The following ROBO2 variants were observed in gnomAD, a reference collection of about 807,000 sequenced individuals.
ROBO2 encodes the protein roundabout homolog 2.
ROBO2 carries 53 observed loss-of-function variants against 160.8 expected under a neutral mutation model. The ratio of observed to expected loss-of-function variants is 0.33; its 90% CI spans 0.26 to 0.41. ROBO2 has a LOEUF of 0.41. ROBO2 is among the 10% of genes least tolerant of loss of function. The pLI, the probability that ROBO2 is intolerant of heterozygous loss-of-function variation, is 1.00. For missense variants in ROBO2, 1,577 were observed against 1,722.4 expected, an observed-to-expected ratio of 0.92 and a Z score of 1.49; for synonymous variants, 664 against 611.7, an observed-to-expected ratio of 1.09 and a Z score of -1.26.
chr3:77,001,046 A>G (rs775206993), intron 2 of ROBO2, among the ~76,000 whole-genome samples: 2 of 152,166 alleles, frequency 1.3e-5, no homozygotes, highest in Non-Finnish European at 2.9e-5. Flanking sequence ...CGTGCCTGCT[A>G]AATTTCTAGA....
In ROBO2 at chr3:77,527,513, C is replaced by A. The variant is rs1372135707; in HGVS notation, c.934+4611C>A. On this transcript the variant is annotated intron_variant, in intron 6 of 25. Transcript: ENST00000461745. ...ACAGAATGAAATATATTTATTTTAC[C>A]CATGTTAAAATAATACTTGAGACTG... The A allele has an allele frequency of 2.4e-5, 23 of 943,980 alleles. No homozygotes were observed. In the Middle Eastern group the frequency reaches 2.1e-3, roughly 87 times the overall value. The allele number at this position is 943,980 out of a possible 1,614,324, so 58.5% of individuals were successfully genotyped here. A position where few individuals can be genotyped will look rare whatever the true frequency, so the allele number is the denominator to read the frequency against.
chr3:77,041,152 A>G (rs1163147669), intron 1 of ROBO2, among the ~76,000 whole-genome samples: 2 of 152,134 alleles, frequency 1.3e-5, no homozygotes, highest in Non-Finnish European at 2.9e-5. Flanking sequence ...ATTACAGTCA[A>G]TCTCCTGCAA....
chr3:77,565,104 T>A (rs757943652), exon 12 of ROBO2: 1 of 1,613,622 alleles, frequency 6.2e-7, no homozygotes, highest in African/African-American at 1.3e-5. Flanking sequence ...CCATGTCAGA[T>A]CCTGTGCGCA....
intron 2 of ROBO2, among the ~76,000 whole-genome samples, chr3:75,984,365 A>C (rs534830519): frequency 1.3e-5 from 2 of 151,548 alleles, no homozygotes; most frequent in Non-Finnish European, 3.0e-5. Context: ...TGTAAAAAAC[A>C]CAGAGTAATA....
chr3:77,100,266 G>T (rs187223386), intron 2 of ROBO2, among the ~76,000 whole-genome samples: 1 of 152,070 alleles, frequency 6.6e-6, no homozygotes, highest in Admixed American at 6.6e-5. Flanking sequence ...AAACAAGAAG[G>T]CTTGCAAATT....
intron 2 of ROBO2, among the ~76,000 whole-genome samples, chr3:77,347,105 T>C (rs1305837151): frequency 6.6e-6 from 1 of 152,070 alleles, no homozygotes; most frequent in Non-Finnish European, 1.5e-5. Flanking sequence ...TTTAGAGTAA[T>C]GTAACCTGAG....
At chr3:76,082,182 C>T (rs766459480) in intron 2 of ROBO2, among the ~76,000 whole-genome samples, 4 of 152,040 alleles carry the variant, frequency 2.6e-5, no homozygotes, top group Admixed American at 6.6e-5. Flanking sequence ...GTGTTACACA[C>T]CATGACAAAG....
chr3:76,555,085 TAAATC>T (rs2083626564), intron 2 of ROBO2, among the ~76,000 whole-genome samples: 1 of 151,848 alleles, frequency 6.6e-6, no homozygotes, highest in African/African-American at 2.4e-5. Flanking sequence ...GAAAAATAAA[TAAATC>T]AAGGTCAGTA....
intron 2 of ROBO2, among the ~76,000 whole-genome samples, chr3:77,370,519 C>G (rs1488230714): frequency 6.6e-6 from 1 of 152,144 alleles, no homozygotes; most frequent in Non-Finnish European, 1.5e-5. Context: ...GGGCTTGTGG[C>G]AGCAGGTCGA....
intron 2 of ROBO2, among the ~76,000 whole-genome samples, chr3:77,234,918 C>T (rs545441656): frequency 1.4e-4 from 22 of 152,074 alleles, no homozygotes; most frequent in Non-Finnish European, 2.8e-4. Context: ...GAAGCAATGG[C>T]GTTACTTTAA....
intron 2 of ROBO2, among the ~76,000 whole-genome samples, chr3:76,008,581 C>T (rs1445854695): frequency 1.3e-5 from 2 of 152,170 alleles, no homozygotes; most frequent in African/African-American, 4.8e-5. Flanking sequence ...CTTGCCCCTT[C>T]CTCTGCAATA....
intron 2 of ROBO2, among the ~76,000 whole-genome samples, chr3:76,907,719 T>C (rs562279031): frequency 1.2e-4 from 19 of 152,126 alleles, no homozygotes; most frequent in Admixed American, 3.9e-4. Flanking sequence ...TTTATGTAAT[T>C]GCTACTGTAA....
At chr3:76,059,768 G>T (rs2068002562) in intron 2 of ROBO2, among the ~76,000 whole-genome samples, 1 of 152,112 alleles carries the variant, frequency 6.6e-6, no homozygotes, top group Non-Finnish European at 1.5e-5. Flanking sequence ...TTCTTCTAGG[G>T]TTTTTATGGT....
At chr3:77,387,613 G>A (rs543132096) in intron 2 of ROBO2, among the ~76,000 whole-genome samples, 75 of 151,524 alleles carry the variant, frequency 4.9e-4, no homozygotes, top group Non-Finnish European at 9.4e-4. Flanking sequence ...GGAAAATAAA[G>A]CTTGAGACCC....
intron 2 of ROBO2, among the ~76,000 whole-genome samples, chr3:76,379,808 A>T (rs1053194229): frequency 6.6e-6 from 1 of 152,202 alleles, no homozygotes; most frequent in African/African-American, 2.4e-5. Context: ...AGTGCTTTCA[A>T]CAACCCAGAT....
At chr3:76,098,674 A>C (rs1289423682) in intron 2 of ROBO2, among the ~76,000 whole-genome samples, 1 of 152,194 alleles carries the variant, frequency 6.6e-6, no homozygotes, top group Admixed American at 6.5e-5. Context: ...ATAAAACAGA[A>C]GCATAGTTTT....
intron 2 of ROBO2, among the ~76,000 whole-genome samples, chr3:77,147,973 T>C (rs1462886649): frequency 1.3e-5 from 2 of 152,214 alleles, no homozygotes; most frequent in Non-Finnish European, 2.9e-5. Flanking sequence ...CCCATGCGGT[T>C]TGAGCAAATG....
chr3:76,033,888 A>G (rs2067012113), intron 2 of ROBO2, among the ~76,000 whole-genome samples: 1 of 152,150 alleles, frequency 6.6e-6, no homozygotes, highest in African/African-American at 2.4e-5. Flanking sequence ...ACCCTCCTTA[A>G]TAGGAGATCC....
chr3:77,483,724 A>G (rs1026761595), intron 4 of ROBO2, among the ~76,000 whole-genome samples: 2 of 148,004 alleles, frequency 1.4e-5, no homozygotes, highest in South Asian at 2.1e-4. Flanking sequence ...TATTATAAAT[A>G]TGATGTAAAT....
Sources: allele counts gnomAD v4.1 joint callset (sites outside exome capture counted in the v4.1 genomes callset), GRCh38; gene constraint gnomAD v4.1.1; transcripts MANE v1.5; gene names NCBI Gene and HGNC (gene_info 2026-07-23, HGNC 2026-07-21).